DERA: variants seen among roughly 807,000 people sequenced by gnomAD.
The protein encoded by DERA is 2-deoxy-D-ribose 5-phosphate aldolase.
Under a neutral mutation model 41.1 loss-of-function variants are expected in DERA, and 15 were observed. The ratio of observed to expected loss-of-function variants is 0.37; its 90% CI spans 0.24 to 0.56. The LOEUF is 0.56. Among genes scored for constraint, DERA ranks in the 20% least tolerant of loss-of-function variants. The pLI is 0.81. For missense variants in DERA, 396 were observed against 403.4 expected (o/e 0.98, Z 0.16); for synonymous variants, 139 against 137.4 (o/e 1.01, Z -0.08).
Position 15,995,274 on chromosome 12 carries a change from A to G in DERA, c.637+12838A>G, listed in dbSNP as rs573655361. 6.6e-6 allele frequency among the ~76,000 whole-genome samples: 1 copy of G among 152,208 alleles called. No homozygotes were observed. The highest frequency in any genetic ancestry group is 1.5e-5 in the Non-Finnish European group (1 of 68,032). On this transcript the variant is annotated intron_variant, in intron 6 of 8. Coordinates refer to ENST00000428559, the MANE Select transcript of DERA (RefSeq NM_015954.4). The surrounding 1 kb of genome is among the most constrained non-coding windows in gnomAD (Gnocchi z 5.1). ...AGAGGCAAGGTGTTTGCAGAAATTTATAGGAGTTGGTGAACATGAAATCAA... is the reference window on the plus strand; with the variant it reads ...AGAGGCAAGGTGTTTGCAGAAATTTGTAGGAGTTGGTGAACATGAAATCAA...
intron 1 of DERA, among the ~76,000 whole-genome samples, chr12:15,934,000 G>T (rs563095562): frequency 6.6e-6 from 1 of 152,292 alleles, no homozygotes; most frequent in Admixed American, 6.5e-5. Context: ...AAGTTACTCA[G>T]AGAAGGCCTC....
At position 15,915,484 on chromosome 12, in the gene DERA, C is replaced by T. The variant is rs1486444357; in HGVS notation, c.31+4070C>T. On this transcript the variant is annotated intron_variant, in intron 1 of 8. Coordinates refer to ENST00000428559, the MANE Select transcript of DERA (RefSeq NM_015954.4). This position sits in a 1 kb window ranked among gnomAD's most constrained non-coding sequence, Gnocchi z 4.8. ...GTTTATTTATTGTTTCAATAGAGAC[C>T]GTGTGTCAGTATGTTGACCAGACTG... is the stretch of plus-strand genomic sequence containing the variant. Among the ~76,000 whole-genome samples the T allele has an allele frequency of 6.6e-6, 1 of 151,898 alleles. No individual in the cohort carries two copies. Among genetic ancestry groups the T allele is most frequent in the East Asian group, 1.9e-4 (1 of 5,184 alleles).
intron 6 of DERA, among the ~76,000 whole-genome samples, chr12:16,015,486 C>T (rs1219814979): frequency 6.6e-6 from 1 of 152,216 alleles, no homozygotes; most frequent in East Asian, 1.9e-4. Context: ...TCCTTTTCAT[C>T]TTCTGTCATG....
rs1197915061 is a variant in DERA, at chr12:15,940,665, C to T, written c.32-16271C>T. On this transcript the variant is annotated intron_variant, in intron 1 of 8. Coordinates refer to ENST00000428559, the MANE Select transcript of DERA (RefSeq NM_015954.4). This position sits in a 1 kb window ranked among gnomAD's most constrained non-coding sequence, Gnocchi z 5.1. ...CGCATCCGGCCTGCTTTACTTCTTA[C>T]ACATTCACTAGAAAATTTAGATCTA... Among the ~76,000 whole-genome samples, 2 of 152,122 alleles carry T rather than the reference C, an allele frequency of 1.3e-5. No individual in the cohort carries two copies. Among genetic ancestry groups the T allele is most frequent in the Admixed American group, 6.6e-5 (1 of 15,250 alleles).
chr12:15,964,327 A>G (rs1301255589), intron 5 of DERA, among the ~76,000 whole-genome samples: 4 of 152,160 alleles, frequency 2.6e-5, no homozygotes, highest in Admixed American at 6.5e-5. Flanking sequence ...AATATTAACT[A>G]CTTTCCTGTA....
At position 15,996,158 on chromosome 12, in the gene DERA, TGTGTG is replaced by T; in HGVS notation, c.637+13723_637+13727del. ...CAGACACAGACACACACACAGAGCATGTGTGTGTGTGTGTGTGTGTGTGTGTGTGT... is the reference window on the plus strand; with the variant it reads ...CAGACACAGACACACACACAGAGCATTGTGTGTGTGTGTGTGTGTGTGTGT... On this transcript the variant is annotated intron_variant, in intron 6 of 8. Coordinates refer to ENST00000428559, the MANE Select transcript of DERA (RefSeq NM_015954.4). This position sits in a 1 kb window ranked among gnomAD's most constrained non-coding sequence, Gnocchi z 4.7. 4.7e-5 allele frequency among the ~76,000 whole-genome samples: 1 copy of T among 21,190 alleles called. No homozygotes were observed. Among genetic ancestry groups the T allele is most frequent in the East Asian group, 2.1e-3 (1 of 468 alleles). The allele number at this position is 21,190 out of a possible 152,430, so 13.9% of individuals were successfully genotyped here.
chr12:15,976,404 C>T lies in DERA; in HGVS notation c.509-5904C>T, dbSNP rs781401619. Among the ~76,000 whole-genome samples the T allele has an allele frequency of 6.6e-6, 1 of 152,158 alleles. No individual in the cohort carries two copies. On this transcript the variant is annotated intron_variant, in intron 5 of 8. Transcript: ENST00000428559. This position sits in a 1 kb window ranked among gnomAD's most constrained non-coding sequence, Gnocchi z 4.1. ...TTTCCCCAGAGCTGACTGCACGTCC[C>T]CCTCACCTCGCCTCCATCATGTTGC...
chr12:15,987,373 GT>G (rs1948772056), intron 6 of DERA, among the ~76,000 whole-genome samples: 1 of 151,312 alleles, frequency 6.6e-6, no homozygotes, highest in Non-Finnish European at 1.5e-5. Context: ...AGTAGCTGGG[GT>G]TACAGGTGTA....
Position 15,970,793 on chromosome 12 carries a change from G to C in DERA, c.508+7846G>C, listed in dbSNP as rs895107719. Among the ~76,000 whole-genome samples, 8 of 152,186 alleles carry C rather than the reference G, an allele frequency of 5.3e-5. No individual in the cohort carries two copies. Among genetic ancestry groups the C allele is most frequent in the African/African-American group, 1.9e-4 (8 of 41,444 alleles). ...TCAGAGGTTGACACCAAACTACCAA[G>C]TAGATATTTATCCTTTGGTTTAAAT... On this transcript the variant is annotated intron_variant, in intron 5 of 8. Transcript: ENST00000428559. This position sits in a 1 kb window ranked among gnomAD's most constrained non-coding sequence, Gnocchi z 4.3.
Position 15,994,982 on chromosome 12 carries a change from G to A in DERA, c.637+12546G>A, listed in dbSNP as rs1040485289. ...TTAGTAGATGAAAACCTGAAGCTCAGAAGTTAAGTGAATAGACCAAGGCCA... is the reference window on the plus strand; with the variant it reads ...TTAGTAGATGAAAACCTGAAGCTCAAAAGTTAAGTGAATAGACCAAGGCCA... On this transcript the variant is annotated intron_variant, in intron 6 of 8. Transcript: ENST00000428559. The surrounding 1 kb of genome is among the most constrained non-coding windows in gnomAD (Gnocchi z 4.8). Among the ~76,000 whole-genome samples the A allele has an allele frequency of 1.3e-5, 2 of 152,194 alleles. No homozygotes were observed. Among genetic ancestry groups the A allele is most frequent in the Non-Finnish European group, 2.9e-5 (2 of 68,038 alleles).
In DERA at chr12:15,940,320, TAAC is replaced by T. The variant is rs1168785185; in HGVS notation, c.32-16615_32-16613del. 6.6e-6 allele frequency among the ~76,000 whole-genome samples: 1 copy of T among 152,138 alleles called. No individual in the cohort carries two copies. The highest frequency in any genetic ancestry group is 2.4e-5 in the African/African-American group (1 of 41,448). Reference sequence around the variant, plus strand: ...AGTATTTTTGGAGCCAACAACTTAATAACTACTGCTTTCCTTTTTTTATTTTAT... The same window carrying T: ...AGTATTTTTGGAGCCAACAACTTAATTACTGCTTTCCTTTTTTTATTTTAT... On this transcript the variant is annotated intron_variant, in intron 1 of 8. Coordinates refer to ENST00000428559, the MANE Select transcript of DERA (RefSeq NM_015954.4). The surrounding 1 kb of genome is among the most constrained non-coding windows in gnomAD (Gnocchi z 5.1).
intron 6 of DERA, among the ~76,000 whole-genome samples, chr12:16,005,173 T>G (rs1948900775): frequency 6.6e-6 from 1 of 152,186 alleles, no homozygotes. Context: ...CCAAGCACAG[T>G]GGCTCATGCC....
chr12:15,993,063 C>T lies in DERA; in HGVS notation c.637+10627C>T, dbSNP rs759515279. On this transcript the variant is annotated intron_variant, in intron 6 of 8. Transcript: ENST00000428559. This position sits in a 1 kb window ranked among gnomAD's most constrained non-coding sequence, Gnocchi z 4.4. Reference sequence around the variant, plus strand: ...TTTGAACTTGGCTGGAATTTTGCAACGTGTAGAAAATGAAACATGAAAAAG... The same window carrying T: ...TTTGAACTTGGCTGGAATTTTGCAATGTGTAGAAAATGAAACATGAAAAAG... Among the ~76,000 whole-genome samples the T allele has an allele frequency of 4.0e-5, 6 of 151,762 alleles. No homozygotes were observed. Among genetic ancestry groups the T allele is most frequent in the African/African-American group, 1.2e-4 (5 of 41,302 alleles).
chr12:15,962,886 T>C lies in DERA; in HGVS notation c.447T>C (p.Asp149=), dbSNP rs1948597827. ...RLEEIRLAVE[D]GATEIDVVIN... ...AAGAGATCAGATTGGCTGTGGAAGA[T>C]GGAGCTACAGAAATCGACGTGGTAA... The change falls in exon 5 of 9, where the codon GAT becomes GAC. Residue 149 remains aspartate, a synonymous_variant. Transcript: ENST00000428559. 6.3e-7 allele frequency: 1 copy of C among 1,590,814 alleles called. No individual in the cohort carries two copies. Among genetic ancestry groups the C allele is most frequent in the Non-Finnish European group, 8.6e-7 (1 of 1,167,638 alleles).
At position 16,021,932 on chromosome 12, in the gene DERA, T is replaced by C. The variant is rs1338021038; in HGVS notation, c.638-10610T>C. Among the ~76,000 whole-genome samples, 3 of 152,196 alleles carry C rather than the reference T, an allele frequency of 2.0e-5. No individual in the cohort carries two copies. Among genetic ancestry groups the C allele is most frequent in the East Asian group, 1.9e-4 (1 of 5,190 alleles). The stretch of plus-strand genomic sequence containing the variant: ...CATCTCCAGATAAGACTTTGGACTT[T>C]AGACTTTGGCATTTTTGAGCTAAGG... On this transcript the variant is annotated intron_variant, in intron 6 of 8. Coordinates refer to ENST00000428559, the MANE Select transcript of DERA (RefSeq NM_015954.4). The surrounding 1 kb of genome is among the most constrained non-coding windows in gnomAD (Gnocchi z 5.3).
intron 6 of DERA, among the ~76,000 whole-genome samples, chr12:15,987,805 G>A (rs1048496837): frequency 8.5e-5 from 13 of 152,056 alleles, no homozygotes; most frequent in Admixed American, 2.6e-4. Context: ...CCTGGTTGCT[G>A]GACTTGTTCC....
chr12:16,032,617 G>T lies in DERA; in HGVS notation c.713G>T (p.Arg238Leu). Residue 238 changes from arginine to leucine, a missense_variant, in exon 7 of 9, where the codon CGG becomes CTG. By Grantham distance (102) the Arg-to-Leu change is moderately radical. Transcript: ENST00000428559. ...ATFPVAIVMLRAIRDFFWKTG... is the reference protein window; with the variant it reads ...ATFPVAIVMLLAIRDFFWKTG... ...TTCCCGGTAGCTATAGTAATGCTGC[G>T]GGCCATTAGAGATTTCTTCTGGAAA... The T allele has an allele frequency of 6.4e-7, 1 of 1,566,070 alleles. No homozygotes were observed. Among genetic ancestry groups the T allele is most frequent in the East Asian group, 2.3e-5 (1 of 42,648 alleles).
rs1948328332 is a variant in DERA, at chr12:15,931,570, T to A, written c.31+20156T>A. 6.6e-6 allele frequency among the ~76,000 whole-genome samples: 1 copy of A among 152,224 alleles called. No homozygotes were observed. Among genetic ancestry groups the A allele is most frequent in the Admixed American group, 6.5e-5 (1 of 15,286 alleles). ...AGTTGAAAAACTACATGTTTGGAAATCTAAATGTGCTTTATTAAGTCTTTT... is the reference window on the plus strand; with the variant it reads ...AGTTGAAAAACTACATGTTTGGAAAACTAAATGTGCTTTATTAAGTCTTTT... On this transcript the variant is annotated intron_variant, in intron 1 of 8. Coordinates refer to ENST00000428559, the MANE Select transcript of DERA (RefSeq NM_015954.4). This position sits in a 1 kb window ranked among gnomAD's most constrained non-coding sequence, Gnocchi z 4.6.
rs533370609 is a variant in DERA at position 15,961,829 on chromosome 12, C to T, written c.374-984C>T. On this transcript the variant is annotated intron_variant, in intron 4 of 8. Coordinates refer to ENST00000428559, the MANE Select transcript of DERA (RefSeq NM_015954.4). The stretch of plus-strand genomic sequence containing the variant: ...CGCGATCTCGGCTCACTGCAGCCTC[C>T]GCCTCCTGAGTTCAAGCAGTTCTCC... Among the ~76,000 whole-genome samples the T allele has an allele frequency of 2.7e-3, 412 of 152,264 alleles. 3 individuals carry two copies. Among genetic ancestry groups the T allele is most frequent in the Non-Finnish European group, 4.7e-3 (321 of 68,020 alleles).
Sources: gnomAD v4.1 joint callset for allele counts (sites outside exome capture counted in the v4.1 genomes callset) on GRCh38, gnomAD v4.1.1 for gene constraint, Gnocchi (gnomAD v3.1) non-coding constraint, MANE v1.5 for transcripts, NCBI Gene and HGNC (gene_info 2026-07-23, HGNC 2026-07-21) for gene names.